EBF2: variants seen among roughly 807,000 people sequenced by gnomAD.
EBF2 encodes the protein transcription factor COE2.
EBF2 carries 21 observed loss-of-function variants against 72.8 expected under a neutral mutation model. That is an observed-to-expected ratio of 0.29 (90% CI 0.20 to 0.42). The LOEUF is 0.42. EBF2 is among the 10% of genes least tolerant of loss of function. EBF2 has a pLI of 1.00. For missense variants in EBF2, 637 were observed against 731.2 expected, an observed-to-expected ratio of 0.87 and a Z score of 1.49; for synonymous variants, 299 against 274.2, an observed-to-expected ratio of 1.09 and a Z score of -0.89.
intron 6 of EBF2, among the ~76,000 whole-genome samples, chr8:25,970,746 T>C (rs935948428): frequency 6.6e-6 from 1 of 152,208 alleles, no homozygotes; most frequent in Non-Finnish European, 1.5e-5. Flanking sequence ...TACTTCCCTG[T>C]GCCTGCTCCC....
At chr8:25,853,760 GCCTATA>G (rs1455057136) in intron 14 of EBF2, among the ~76,000 whole-genome samples, 1 of 151,896 alleles carries the variant, frequency 6.6e-6, no homozygotes, top group Non-Finnish European at 1.5e-5. Flanking sequence ...ATTATATTTA[GCCTATA>G]CAATAGAAGG....
chr8:25,913,755 G>A (rs956836071), intron 6 of EBF2, among the ~76,000 whole-genome samples: 3 of 152,150 alleles, frequency 2.0e-5, no homozygotes, highest in Non-Finnish European at 4.4e-5. Context: ...GGTCACTAAA[G>A]GCTGAGTCAA....
chr8:25,886,708 A>G, intron 10 of EBF2, 47 bp downstream of exon 10: 1 of 1,573,110 alleles, frequency 6.4e-7, no homozygotes, highest in South Asian at 1.2e-5. Context: ...AACTAGCGCA[A>G]AGGCAAACCA....
chr8:25,912,496 A>ACACACT, intron 6 of EBF2, among the ~76,000 whole-genome samples: 1 of 138,684 alleles, frequency 7.2e-6, no homozygotes, highest in Non-Finnish European at 1.6e-5. Context: ...ACACACACAC[A>ACACACT]CAACAGGAAG....
intron 6 of EBF2, among the ~76,000 whole-genome samples, chr8:25,961,788 G>A (rs1361735814): frequency 6.6e-6 from 1 of 152,186 alleles, no homozygotes; most frequent in Non-Finnish European, 1.5e-5. Context: ...AGGGGCTCAA[G>A]CGCCAGGGGC....
intron 6 of EBF2, among the ~76,000 whole-genome samples, chr8:25,911,644 C>A (rs893992158): frequency 6.6e-6 from 1 of 152,188 alleles, no homozygotes; most frequent in Non-Finnish European, 1.5e-5. Flanking sequence ...CTGTAGGGTT[C>A]TTTCTAACAT....
Position 25,928,333 on chromosome 8 carries a change from G to A in EBF2, c.552-19778C>T, listed in dbSNP as rs542392280. Among the ~76,000 whole-genome samples the A allele has an allele frequency of 7.9e-5, 12 of 152,250 alleles. No individual in the cohort carries two copies. In the South Asian group the frequency reaches 2.3e-3, roughly 29 times the overall value. ...ATAAACTTAAGGCTTATCTGGGTTA[G>A]CTGCAAGAGACAGCAAGAGAACCCA... On this transcript the variant is annotated intron_variant, in intron 6 of 15. Transcript: ENST00000520164.
chr8:26,013,391 CTT>C (rs1277541698), intron 6 of EBF2, among the ~76,000 whole-genome samples: 2 of 152,168 alleles, frequency 1.3e-5, no homozygotes, highest in African/African-American at 4.8e-5. Context: ...TCCATCATCC[CTT>C]TAACTAATAC....
chr8:25,893,574 A>G (rs1242140264), intron 7 of EBF2, among the ~76,000 whole-genome samples: 1 of 152,130 alleles, frequency 6.6e-6, no homozygotes, highest in Non-Finnish European at 1.5e-5. Context: ...CACCGCACCC[A>G]GCCATGGGCA....
rs1173492498 is a variant in EBF2 at position 25,850,076 on chromosome 8, T to G, written c.1696+518A>C. The stretch of plus-strand genomic sequence containing the variant: ...GGTTAATTCCATTACCTGCAGAGTT[T>G]GCTGATGTCTGTTTTCCCTGATCTT... On this transcript the variant is annotated intron_variant, in intron 15 of 15. Coordinates refer to ENST00000520164, the MANE Select transcript of EBF2 (RefSeq NM_022659.4). 2.6e-5 allele frequency among the ~76,000 whole-genome samples: 4 copies of G among 152,190 alleles called. No individual in the cohort carries two copies. The East Asian group carries it at 7.7e-4, about 29-fold the overall frequency.
chr8:26,040,899 CTGCTAGGCGCCGGCTCACCGT>C lies in EBF2; in HGVS notation c.352+19_352+39del. On this transcript the variant is annotated intron_variant, in intron 3 of 15. Transcript: ENST00000520164. ...TCAGCGCGTGCGGCCCGGAAGCCGG[CTGCTAGGCGCCGGCTCACCGT>C]TGCTGTAGAAGAGCTCACCGTTGCT... 6.2e-7 allele frequency: 1 copy of C among 1,613,332 alleles called. No homozygotes were observed. The highest frequency in any genetic ancestry group is 8.5e-7 in the Non-Finnish European group (1 of 1,179,680).
chr8:25,953,538 C>T lies in EBF2; in HGVS notation c.552-44983G>A, dbSNP rs180779543. Reference sequence around the variant, plus strand: ...GGTGGTGGAACCCATTTCCATTGATCTTCCAGTCCCATACCGCAGAGGAAA... The same window carrying T: ...GGTGGTGGAACCCATTTCCATTGATTTTCCAGTCCCATACCGCAGAGGAAA... On this transcript the variant is annotated intron_variant, in intron 6 of 15. Coordinates refer to ENST00000520164, the MANE Select transcript of EBF2 (RefSeq NM_022659.4). Among the ~76,000 whole-genome samples, 240 of 152,318 alleles carry T rather than the reference C, an allele frequency of 1.6e-3. 1 individual carries two copies. The highest frequency in any genetic ancestry group is 9.4e-4 in the Non-Finnish European group (64 of 68,022).
intron 10 of EBF2, among the ~76,000 whole-genome samples, chr8:25,872,075 T>C (rs1802448044): frequency 6.6e-6 from 1 of 152,162 alleles, no homozygotes; most frequent in African/African-American, 2.4e-5. Flanking sequence ...AGGGAGCAGA[T>C]AATGCTTACC....
chr8:25,888,581 A>G (rs956201270), intron 8 of EBF2, among the ~76,000 whole-genome samples: 1 of 152,296 alleles, frequency 6.6e-6, no homozygotes, highest in African/African-American at 2.4e-5. Context: ...CCAGAGAGAG[A>G]GAGGGGGAGA....
rs201300610 is a variant in EBF2 at position 25,935,638 on chromosome 8, AG to A, written c.552-27084del. 3.2e-4 allele frequency among the ~76,000 whole-genome samples: 48 copies of A among 152,174 alleles called. No homozygotes were observed. In the East Asian group the frequency reaches 8.7e-3, roughly 28 times the overall value. On this transcript the variant is annotated intron_variant, in intron 6 of 15. Coordinates refer to ENST00000520164, the MANE Select transcript of EBF2 (RefSeq NM_022659.4). ...ACACATGTCACCCGGCCCTATCAGGAGTGTTATTTGTTTGCCACTTGCATAT... is the reference window on the plus strand; with the variant it reads ...ACACATGTCACCCGGCCCTATCAGGATGTTATTTGTTTGCCACTTGCATAT...
At chr8:25,915,128 A>T (rs1662902027) in intron 6 of EBF2, among the ~76,000 whole-genome samples, 1 of 152,210 alleles carries the variant, frequency 6.6e-6, no homozygotes, top group Non-Finnish European at 1.5e-5. Flanking sequence ...AGGAAAATTA[A>T]CATCTCCACC....
At chr8:25,897,728 G>A (rs900517417) in intron 7 of EBF2, among the ~76,000 whole-genome samples, 2 of 152,162 alleles carry the variant, frequency 1.3e-5, no homozygotes, top group Non-Finnish European at 2.9e-5. Context: ...AGTATTCCAT[G>A]GTGTCTATGT....
intron 6 of EBF2, among the ~76,000 whole-genome samples, chr8:25,933,531 A>C (rs564882347): frequency 2.2e-4 from 34 of 152,162 alleles, no homozygotes; most frequent in Admixed American, 7.9e-4. Context: ...TATAGATCAA[A>C]AGTCTTAAAA....
In EBF2 at chr8:25,984,047, G is replaced by T. The variant is rs1468946221; in HGVS notation, c.551+49038C>A. ...TCTCCTTTAACAGCACATAGCTGCG[G>T]GTACCAACGTCAAAGACAGGAAAGA... On this transcript the variant is annotated intron_variant, in intron 6 of 15. Transcript: ENST00000520164. Among the ~76,000 whole-genome samples, 4 of 152,306 alleles carry T rather than the reference G, an allele frequency of 2.6e-5. No individual in the cohort carries two copies. The East Asian group carries it at 7.7e-4, about 29-fold the overall frequency.
Sources: allele counts gnomAD v4.1 joint callset (sites outside exome capture counted in the v4.1 genomes callset), GRCh38; gene constraint gnomAD v4.1.1; transcripts MANE v1.5; gene names NCBI Gene and HGNC (gene_info 2026-07-23, HGNC 2026-07-21).